OTOG: variants seen among roughly 807,000 people sequenced by gnomAD.
OTOG encodes otogelin.
In OTOG, 296 loss-of-function variants were observed where a neutral mutation model predicts 313.8. The observed-to-expected ratio is 0.94, with a 90% confidence interval of 0.86 to 1.04. OTOG has a LOEUF of 1.04. OTOG is among the 50% of genes least tolerant of loss of function. OTOG has a pLI of 0.00. For missense variants in OTOG, 3,948 were observed against 3,840.1 expected, an observed-to-expected ratio of 1.03 and a Z score of -0.74; for synonymous variants, 1,533 against 1,554.9, an observed-to-expected ratio of 0.99 and a Z score of 0.33.
Position 17,634,908 on chromosome 11 carries a change from C to T in OTOG, c.7545C>T (p.Thr2515=). 2 of 1,549,328 alleles carry T rather than the reference C, an allele frequency of 1.3e-6. No homozygotes were observed. Among genetic ancestry groups the T allele is most frequent in the Non-Finnish European group, 1.7e-6 (2 of 1,146,808 alleles). ...PTCRPGHRLL[T]HFQEDSCCPS... Reference sequence around the variant, plus strand: ...GCCGCCCAGGCCACCGCCTCCTCACCCACTTCCAGGAGGACTCCTGCTGCC... The same window carrying T: ...GCCGCCCAGGCCACCGCCTCCTCACTCACTTCCAGGAGGACTCCTGCTGCC... Residue 2515 remains threonine (T), a synonymous_variant, in exon 45 of 56, where the codon ACC becomes ACT. Transcript: ENST00000399397.
At position 17,599,690 on chromosome 11, in the gene OTOG, TA is replaced by T; in HGVS notation, c.3704del (p.Asn1235ThrfsTer4). 1 of 1,550,676 alleles carries T rather than the reference TA, an allele frequency of 6.4e-7. No individual in the cohort carries two copies. Among genetic ancestry groups the T allele is most frequent in the Admixed American group, 2.0e-5 (1 of 51,008 alleles). On this transcript the variant is annotated frameshift_variant, in exon 31 of 56. Transcript: ENST00000399397. LOFTEE classifies it high-confidence loss of function. ...RLCPYDCDFF[N>X]KVLGKGPYQL... ...TTTCAGCGTATGACTGTGACTTCTT[TA>T]ACAAAGGTAAGCCCCTCCTCCCCAC...
intron 3 of OTOG, 83 bp from the exon 4 acceptor site, chr11:17,551,917 G>A: frequency 8.1e-7 from 1 of 1,239,586 alleles, no homozygotes; most frequent in South Asian, 1.3e-5. Context: ...TGAACAAAGA[G>A]GGCTGTGGCC....
Position 17,561,079 on chromosome 11 carries a change from T to C in OTOG, c.1452-12T>C. 1 of 1,550,592 alleles carries C rather than the reference T, an allele frequency of 6.4e-7. No individual in the cohort carries two copies. The highest frequency in any genetic ancestry group is 8.7e-7 in the Non-Finnish European group (1 of 1,146,974). ...GGGGTGACCTCTTGCCTCCTTGGTC[T>C]CTGTGTTTTAGCACATGCACCTCAG... On this transcript the variant is annotated splice_polypyrimidine_tract_variant and intron_variant, in intron 13 of 55. Coordinates refer to ENST00000399397, the MANE Select transcript of OTOG (RefSeq NM_001292063.2).
intron 54 of OTOG, among the ~76,000 whole-genome samples, chr11:17,644,568 A>G (rs1049156325): frequency 2.0e-5 from 3 of 152,254 alleles, no homozygotes; most frequent in Non-Finnish European, 4.4e-5. Context: ...TAACAAGTAT[A>G]AAAATATATA....
chr11:17,590,920 C>G (rs910716844), intron 24 of OTOG, among the ~76,000 whole-genome samples: 1 of 152,212 alleles, frequency 6.6e-6, no homozygotes, highest in African/African-American at 2.4e-5. Flanking sequence ...GTAACCCACT[C>G]CACCCACATT....
intron 7 of OTOG, 25 bp from the exon 8 acceptor site, chr11:17,557,093 T>G (rs747727265): frequency 9.1e-6 from 14 of 1,546,026 alleles, no homozygotes; most frequent in Non-Finnish European, 1.1e-5. Context: ...GTGGATACCC[T>G]GAAGCTCTGG....
rs1854142439 is a variant in OTOG, at chr11:17,632,077, C to G, written c.6934-11C>G. The G allele has an allele frequency of 1.3e-6, 2 of 1,550,474 alleles. No homozygotes were observed. The highest frequency in any genetic ancestry group is 4.9e-5 in the East Asian group (2 of 40,910). On this transcript the variant is annotated splice_polypyrimidine_tract_variant and intron_variant, in intron 41 of 55. Coordinates refer to ENST00000399397, the MANE Select transcript of OTOG (RefSeq NM_001292063.2). Reference sequence around the variant, plus strand: ...TCCGAGTAACCAGCACTGCCTGATGCATATGTCCAGGTGCCTCCGGAGTCA... The same window carrying G: ...TCCGAGTAACCAGCACTGCCTGATGGATATGTCCAGGTGCCTCCGGAGTCA...
At chr11:17,602,472 C>T (rs1029740258) in intron 32 of OTOG, 95 bp downstream of exon 32, 45 of 1,372,196 alleles carry the variant, frequency 3.3e-5, no homozygotes, top group Non-Finnish European at 3.8e-5. Flanking sequence ...CTGTAGTGGC[C>T]GGAGAAATAG....
intron 23 of OTOG, among the ~76,000 whole-genome samples, chr11:17,581,438 C>A (rs1165082420): frequency 6.6e-6 from 1 of 152,156 alleles, no homozygotes. Context: ...TGGAGACATT[C>A]GCCTCCCAGC....
intron 38 of OTOG, among the ~76,000 whole-genome samples, chr11:17,613,195 T>TTTTCTTTTCTTTCTTTCTTTCATTCTTTC (rs1853616442): frequency 1.5e-5 from 1 of 65,328 alleles, no homozygotes; most frequent in Non-Finnish European, 2.9e-5. Flanking sequence ...TCTTTCTTTC[T>TTTTCTTTTCTTTCTTTCTTTCATTCTTTC]TTTCTTTCTT....
intron 4 of OTOG, among the ~76,000 whole-genome samples, chr11:17,552,617 T>TGTCCTGTGTCTCC (rs1554967694): frequency 7.3e-5 from 11 of 151,402 alleles, no homozygotes; most frequent in African/African-American, 1.9e-4. Flanking sequence ...ACCTGTCCTC[T>TGTCCTGTGTCTCC]CACATCATGG....
At chr11:17,579,647 C>G (rs1445494384) in intron 23 of OTOG, among the ~76,000 whole-genome samples, 1 of 152,252 alleles carries the variant, frequency 6.6e-6, no homozygotes, top group African/African-American at 2.4e-5. Flanking sequence ...CCTGCTGCCA[C>G]TTGGGCCCCG....
At chr11:17,564,614 C>T (rs1392463289) in intron 15 of OTOG, among the ~76,000 whole-genome samples, 1 of 152,196 alleles carries the variant, frequency 6.6e-6, no homozygotes, top group African/African-American at 2.4e-5. Flanking sequence ...GAAGCTGCGA[C>T]TGCACTCCTG....
rs1263866285 is a variant in OTOG, at chr11:17,634,170, GT to G, written c.7370del (p.Val2457AlafsTer93). 6.5e-7 allele frequency: 1 copy of G among 1,550,236 alleles called. No individual in the cohort carries two copies. The highest frequency in any genetic ancestry group is 1.2e-5 in the South Asian group (1 of 84,032). On this transcript the variant is annotated frameshift_variant, in exon 44 of 56. Coordinates refer to ENST00000399397, the MANE Select transcript of OTOG (RefSeq NM_001292063.2). LOFTEE classifies it high-confidence loss of function. ...QHQCQAPDTI[V>X]PVDLGCPSPR... Reference sequence around the variant, plus strand: ...CCAGTGCCAAGCCCCAGACACCATTGTCCCGGTGGATCTGGGCTGCCCCAGT... The same window carrying G: ...CCAGTGCCAAGCCCCAGACACCATTGCCCGGTGGATCTGGGCTGCCCCAGT...
In OTOG at chr11:17,569,275, G is replaced by A. The variant is rs1404142907; in HGVS notation, c.1764G>A (p.Pro588=). 2.1e-5 allele frequency: 33 copies of A among 1,550,436 alleles called. 1 individual carries two copies. The highest frequency in any genetic ancestry group is 1.8e-4 in the African/African-American group (13 of 73,026). ...VLLFDQYKII[P]PYTDDAFEIR... is the part of the protein sequence containing the mutation. Reference sequence around the variant, plus strand: ...TGTTTGACCAGTACAAGATCATCCCGCCATACACAGATGGTACGGTTTGGG... The same window carrying A: ...TGTTTGACCAGTACAAGATCATCCCACCATACACAGATGGTACGGTTTGGG... The change falls in exon 16 of 56, where the codon CCG becomes CCA. Residue 588 remains proline, a synonymous_variant. Transcript: ENST00000399397.
intron 39 of OTOG, among the ~76,000 whole-genome samples, chr11:17,625,032 T>C (rs879390644): frequency 7.9e-5 from 12 of 152,194 alleles, no homozygotes; most frequent in Admixed American, 7.9e-4. Context: ...GCTGAAGTTG[T>C]TTATCAGCTG....
Position 17,644,286 on chromosome 11 carries a change from A to C in OTOG, c.8461+780A>C, listed in dbSNP as rs181016817. ...AGGGCCCAGAGGGCCATGTCAGGACAGCCCTTAGTTCTCCTGCCTCCTGGA... is the reference window on the plus strand; with the variant it reads ...AGGGCCCAGAGGGCCATGTCAGGACCGCCCTTAGTTCTCCTGCCTCCTGGA... On this transcript the variant is annotated intron_variant, in intron 54 of 55. Coordinates refer to ENST00000399397, the MANE Select transcript of OTOG (RefSeq NM_001292063.2). Among the ~76,000 whole-genome samples, 678 of 152,398 alleles carry C rather than the reference A, an allele frequency of 4.4e-3. 4 individuals are homozygous for C. Among genetic ancestry groups the C allele is most frequent in the African/African-American group, 0.015 (639 of 41,602 alleles).
rs569695956 is a variant in OTOG, at chr11:17,580,686, C to G, written c.2759+2160C>G. On this transcript the variant is annotated intron_variant, in intron 23 of 55. Coordinates refer to ENST00000399397, the MANE Select transcript of OTOG (RefSeq NM_001292063.2). ...GGGCTGAAGAAGGAAGGCAGTGAGC[C>G]AGCCCTTCACTGGTGTCTGATGCAA... Among the ~76,000 whole-genome samples the G allele has an allele frequency of 1.4e-4, 21 of 152,308 alleles. No homozygotes were observed. The South Asian group carries it at 4.4e-3, about 32-fold the overall frequency.
intron 18 of OTOG, among the ~76,000 whole-genome samples, chr11:17,572,443 G>A (rs958533275): frequency 2.0e-5 from 3 of 152,208 alleles, no homozygotes; most frequent in Non-Finnish European, 4.4e-5. Context: ...CTCCATCTCA[G>A]GGCAAAAGCG....
Sources: gnomAD v4.1 joint callset for allele counts (sites outside exome capture counted in the v4.1 genomes callset) on GRCh38, gnomAD v4.1.1 for gene constraint, MANE v1.5 for transcripts, NCBI Gene and HGNC (gene_info 2026-07-23, HGNC 2026-07-21) for gene names.